SYBU: variants seen among roughly 807,000 people sequenced by gnomAD.
SYBU encodes syntabulin.
Under a neutral mutation model 35.9 loss-of-function variants are expected in SYBU, and 21 were observed. That is an observed-to-expected ratio of 0.58 (90% confidence interval 0.41 to 0.84). The LOEUF (loss-of-function observed/expected upper bound fraction) is 0.84. Among genes scored for constraint, SYBU ranks in the 40% least tolerant of loss-of-function variants. The pLI is 0.00. For missense variants in SYBU, 768 were observed against 848.2 expected (o/e 0.91, Z 1.17); for synonymous variants, 319 against 324.3 (o/e 0.98, Z 0.18).
intron 2 of SYBU, among the ~76,000 whole-genome samples, chr8:109,641,242 C>T (rs1258715088): frequency 6.6e-6 from 1 of 152,200 alleles, no homozygotes; most frequent in Admixed American, 6.5e-5. Context: ...CAGGAACTAT[C>T]AAGAGATTTG....
chr8:109,685,138 T>C (rs780303590), upstream of SYBU, among the ~76,000 whole-genome samples: 1 of 152,180 alleles, frequency 6.6e-6, no homozygotes, highest in Non-Finnish European at 1.5e-5. Context: ...GTCTCTTAAC[T>C]TTCGTCATTT....
At chr8:109,688,130 C>G (rs1817562010) in intron 1 of SYBU, among the ~76,000 whole-genome samples, 1 of 151,998 alleles carries the variant, frequency 6.6e-6, no homozygotes, top group East Asian at 1.9e-4. Context: ...TTTTATAAAG[C>G]TATAATATAT....
rs561268155 is a variant in SYBU at position 109,651,315 on chromosome 8, A to G, written c.-129+29396T>C. Reference sequence around the variant, plus strand: ...TCAGAAGCCCAGCTACCAGCTTGCCATAATGTGAACCTAATTCAGGGAAGC... The same window carrying G: ...TCAGAAGCCCAGCTACCAGCTTGCCGTAATGTGAACCTAATTCAGGGAAGC... On this transcript the variant is annotated intron_variant, in intron 1 of 5. Coordinates refer to the SYBU transcript ENST00000408889. 6.6e-5 allele frequency among the ~76,000 whole-genome samples: 10 copies of G among 152,330 alleles called. No individual in the cohort carries two copies. In the South Asian group the frequency reaches 2.1e-3, roughly 32 times the overall value.
At chr8:109,599,375 T>G (rs1825250139) in intron 3 of SYBU, among the ~76,000 whole-genome samples, 1 of 152,238 alleles carries the variant, frequency 6.6e-6, no homozygotes, top group Admixed American at 6.5e-5. Flanking sequence ...TGGTACAGTC[T>G]GAGGACCACC....
intron 3 of SYBU, chr8:109,586,395 A>G (rs1823626990): frequency 3.9e-6 from 2 of 510,010 alleles, no homozygotes; most frequent in Non-Finnish European, 7.0e-6. Context: ...TGGTTTCATA[A>G]AGAGGCCAGT....
intron 2 of SYBU, among the ~76,000 whole-genome samples, chr8:109,626,583 T>C (rs1188069812): frequency 6.6e-6 from 1 of 152,220 alleles, no homozygotes; most frequent in Admixed American, 6.5e-5. Flanking sequence ...ATAAACTTTC[T>C]TGATAATTAA....
chr8:109,575,130 C>T lies in SYBU; in HGVS notation c.1768G>A (p.Val590Ile). ...AACVEERLDG[V>I]IPLARGGVVR... ...ACGCCCCCGCGAGCCAGTGGGATGA[C>T]ACCATCCAACCTCTCTTCCACGCAG... Residue 590 changes from valine (V) to isoleucine (I), a missense_variant, in exon 7 of 7, where the codon GTC becomes ATC. By Grantham distance (29) the Val-to-Ile change is conservative (BLOSUM62 3). Coordinates refer to ENST00000276646, the MANE Select transcript of SYBU (RefSeq NM_001099754.2). The T allele has an allele frequency of 1.2e-6, 2 of 1,614,118 alleles. No individual in the cohort carries two copies. The highest frequency in any genetic ancestry group is 2.7e-5 in the African/African-American group (2 of 75,072).
At chr8:109,578,075 A>AAG in intron 5 of SYBU, 58 bp from the exon 6 acceptor site, 2 of 1,558,056 alleles carry the variant, frequency 1.3e-6, no homozygotes, top group Admixed American at 1.8e-5. Context: ...CTATAAAAAG[A>AAG]AGAGTAACAC....
intron 3 of SYBU, among the ~76,000 whole-genome samples, chr8:109,612,517 A>AT (rs957405558): frequency 6.6e-6 from 1 of 152,042 alleles, no homozygotes; most frequent in Non-Finnish European, 1.5e-5. Flanking sequence ...TAAAATTTTA[A>AT]TTTTTTTCCA....
intron 3 of SYBU, among the ~76,000 whole-genome samples, chr8:109,594,648 C>T (rs1325884477): frequency 6.6e-6 from 1 of 152,166 alleles, no homozygotes; most frequent in African/African-American, 2.4e-5. Context: ...CCCACAGGTT[C>T]CTTTCTTCCC....
chr8:109,602,616 T>C (rs116627901), intron 3 of SYBU, among the ~76,000 whole-genome samples: 1 of 152,050 alleles, frequency 6.6e-6, no homozygotes, highest in African/African-American at 2.4e-5. Context: ...GCATTTTTGG[T>C]AGAGACAGGT....
intron 3 of SYBU, among the ~76,000 whole-genome samples, chr8:109,617,802 A>G (rs974840249): frequency 6.6e-6 from 1 of 152,258 alleles, no homozygotes; most frequent in Non-Finnish European, 1.5e-5. Context: ...TTCACAGTTT[A>G]AGTTTTCCTT....
chr8:109,670,075 A>G (rs1163389974), intron 1 of SYBU, among the ~76,000 whole-genome samples: 1 of 151,642 alleles, frequency 6.6e-6, no homozygotes, highest in Non-Finnish European at 1.5e-5. Context: ...ATTAGCTGTC[A>G]GTAATGGTAA....
At chr8:109,637,726 C>A (rs1036286558) in intron 2 of SYBU, among the ~76,000 whole-genome samples, 3 of 152,164 alleles carry the variant, frequency 2.0e-5, no homozygotes, top group Admixed American at 2.0e-4. Context: ...GTTTCCCCAA[C>A]TGTACAAAAG....
At chr8:109,622,201 C>CTATCA (rs1320917653) in intron 2 of SYBU, among the ~76,000 whole-genome samples, 1 of 146,520 alleles carries the variant, frequency 6.8e-6, no homozygotes, top group Non-Finnish European at 1.5e-5. Context: ...ATCTATCTAT[C>CTATCA]TATCTATCTA....
chr8:109,610,989 C>T (rs1047024852), intron 3 of SYBU, among the ~76,000 whole-genome samples: 1 of 152,184 alleles, frequency 6.6e-6, no homozygotes, highest in African/African-American at 2.4e-5. Flanking sequence ...AATAAATGCT[C>T]CTCAATTAGG....
chr8:109,632,544 A>G (rs1813748869), intron 2 of SYBU, among the ~76,000 whole-genome samples: 1 of 152,198 alleles, frequency 6.6e-6, no homozygotes, highest in Admixed American at 6.5e-5. Flanking sequence ...AGAAAAAGCA[A>G]TGTTCATCAT....
chr8:109,589,907 A>G (rs2129792614), intron 3 of SYBU, among the ~76,000 whole-genome samples: 1 of 152,242 alleles, frequency 6.6e-6, no homozygotes, highest in South Asian at 2.1e-4. Flanking sequence ...ATTCTAAAAC[A>G]CTGATTTAAG....
chr8:109,608,077 T>C, intron 3 of SYBU: 1 of 843,414 alleles, frequency 1.2e-6, no homozygotes, highest in Non-Finnish European at 1.8e-6. Flanking sequence ...CTTCTGCATG[T>C]GCAGGGCAAG....
Sources: gnomAD v4.1 joint callset for allele counts (sites outside exome capture counted in the v4.1 genomes callset) on GRCh38, gnomAD v4.1.1 for gene constraint, MANE v1.5 for transcripts, NCBI Gene and HGNC (gene_info 2026-07-23, HGNC 2026-07-21) for gene names.